The following SVOP variants were observed in gnomAD, a reference collection of about 807,000 sequenced individuals.
SVOP encodes the protein synaptic vesicle 2-related protein.
Under a neutral mutation model 69.1 loss-of-function variants are expected in SVOP, and 17 were observed. That is an observed-to-expected ratio of 0.25 (90% CI 0.17 to 0.37). The LOEUF is 0.37. SVOP is among the 10% of genes least tolerant of loss of function. The pLI, the probability that SVOP is intolerant of heterozygous loss-of-function variation, is 1.00. For synonymous variants in SVOP, 238 were observed against 238.6 expected (o/e 1.00, Z 0.02); for missense variants, 435 against 597.5 (o/e 0.73, Z 2.84).
At position 108,909,474 on chromosome 12, in the gene SVOP, C is replaced by T. The variant is rs1414274674; in HGVS notation, c.*3061G>A. The T allele has an allele frequency of 7.4e-6, 1 of 135,360 alleles. No individual in the cohort carries two copies. The highest frequency in any genetic ancestry group is 1.5e-5 in the Non-Finnish European group (1 of 66,986). The allele number at this position is 135,360 out of a possible 1,614,324, so 8.4% of individuals were successfully genotyped here. A position where few individuals can be genotyped will look rare whatever the true frequency, so the allele number is the denominator to read the frequency against. On this transcript the variant is annotated 3_prime_UTR_variant, in exon 16 of 16. Coordinates refer to ENST00000610966, the MANE Select transcript of SVOP (RefSeq NM_018711.5). ...GAGTTGCAGTGAGCTGAGACTTCAT[C>T]TCAAAAAAAAAAAAAAAGTAATTGC...
chr12:109,007,336 G>A (rs1593208389), intron 1 of SVOP, among the ~76,000 whole-genome samples: 1 of 152,302 alleles, frequency 6.6e-6, no homozygotes, highest in South Asian at 2.1e-4. Flanking sequence ...TTCAAGACAA[G>A]ACCTGGGGCA....
At chr12:108,972,379 C>T (rs1223696954) in intron 5 of SVOP, 26 bp downstream of exon 5, 11 of 1,535,812 alleles carry the variant, frequency 7.2e-6, no homozygotes, top group Admixed American at 2.0e-5. Context: ...AGAGGACATG[C>T]GTTTAGAAGA....
At chr12:108,990,214 G>A (rs1203810836) in intron 1 of SVOP, among the ~76,000 whole-genome samples, 14 of 152,170 alleles carry the variant, frequency 9.2e-5, no homozygotes, top group South Asian at 2.1e-4. Flanking sequence ...GGAAAACAGC[G>A]TGTGTTCTGG....
intron 6 of SVOP, among the ~76,000 whole-genome samples, chr12:108,960,605 G>T (rs2040012735): frequency 6.6e-6 from 1 of 152,152 alleles, no homozygotes; most frequent in African/African-American, 2.4e-5. Flanking sequence ...AACGCAGATT[G>T]CAATAATACA....
chr12:109,009,251 C>T (rs2040328145), intron 1 of SVOP, among the ~76,000 whole-genome samples: 1 of 151,826 alleles, frequency 6.6e-6, no homozygotes, highest in Non-Finnish European at 1.5e-5. Context: ...CATGAGCCAC[C>T]GCATCCAGCC....
At chr12:108,998,261 A>G (rs1161439526) in intron 1 of SVOP, among the ~76,000 whole-genome samples, 2 of 151,066 alleles carry the variant, frequency 1.3e-5, no homozygotes, top group Non-Finnish European at 3.0e-5. Context: ...AGTTTAGAGA[A>G]AAAAGAATAA....
chr12:108,937,521 C>T (rs944453002), intron 9 of SVOP, among the ~76,000 whole-genome samples, 184 bp from the exon 10 acceptor site: 29 of 152,152 alleles, frequency 1.9e-4, no homozygotes, highest in African/African-American at 7.0e-4. Flanking sequence ...CCAGCCAGAA[C>T]CCAGCCATGT....
intron 11 of SVOP, among the ~76,000 whole-genome samples, chr12:108,933,755 G>A (rs2039838208): frequency 6.6e-6 from 1 of 152,114 alleles, no homozygotes; most frequent in Non-Finnish European, 1.5e-5. Flanking sequence ...AGCAAACCAT[G>A]TGAAGGGGCC....
At chr12:108,986,110 A>AC (rs1275815646) in intron 1 of SVOP, among the ~76,000 whole-genome samples, 1 of 151,922 alleles carries the variant, frequency 6.6e-6, no homozygotes, top group Non-Finnish European at 1.5e-5. Context: ...CTAACATTTC[A>AC]CCCCCTCTAC....
intron 7 of SVOP, among the ~76,000 whole-genome samples, chr12:108,942,390 T>C (rs2039896397): frequency 6.6e-6 from 1 of 152,192 alleles, no homozygotes. Flanking sequence ...CTCATCAGAA[T>C]TGCCACTTCT....
intron 6 of SVOP, among the ~76,000 whole-genome samples, chr12:108,957,369 G>A (rs986860230): frequency 1.3e-5 from 2 of 151,968 alleles, no homozygotes; most frequent in Non-Finnish European, 2.9e-5. Context: ...TCACTGTGTC[G>A]GCCAGGATGG....
intron 5 of SVOP, among the ~76,000 whole-genome samples, chr12:108,967,241 C>T (rs1045825537): frequency 2.6e-5 from 4 of 151,778 alleles, no homozygotes; most frequent in African/African-American, 7.3e-5. Context: ...TGGCTCACAC[C>T]TATAATCCCA....
chr12:108,956,414 G>C (rs938018224), intron 6 of SVOP, among the ~76,000 whole-genome samples: 1 of 152,050 alleles, frequency 6.6e-6, no homozygotes, highest in Non-Finnish European at 1.5e-5. Context: ...TACCCCTGAG[G>C]GGGTGGGCGC....
chr12:108,977,273 G>A, intron 4 of SVOP, 125 bp downstream of exon 4: 2 of 1,174,446 alleles, frequency 1.7e-6, no homozygotes, highest in Non-Finnish European at 2.4e-6. Context: ...GGATGGGACA[G>A]TGTTTCCATC....
intron 15 of SVOP, among the ~76,000 whole-genome samples, chr12:108,915,551 G>C (rs929608232): frequency 2.8e-4 from 43 of 152,218 alleles, no homozygotes; most frequent in Non-Finnish European, 6.3e-4. Context: ...ACCTGGGTTT[G>C]ACTCCTGGAT....
rs1469105856 is a variant in SVOP, at chr12:108,983,787, A to G, written c.36-26T>C. 1.3e-5 allele frequency: 5 copies of G among 398,700 alleles called. No homozygotes were observed. In the East Asian group the frequency reaches 1.8e-4, roughly 14 times the overall value. The allele number at this position is 398,700 out of a possible 1,614,324, so 24.7% of individuals were successfully genotyped here. ...CTAGAGAACAGAACAAATCTGGTCA[A>G]GATGGCTAAAGCTTCCCCCAAATGG... On this transcript the variant is annotated intron_variant, in intron 1 of 15. Coordinates refer to ENST00000610966, the MANE Select transcript of SVOP (RefSeq NM_018711.5).
intron 1 of SVOP, among the ~76,000 whole-genome samples, chr12:109,003,948 C>A (rs2040289942): frequency 6.6e-6 from 1 of 152,220 alleles, no homozygotes; most frequent in African/African-American, 2.4e-5. Flanking sequence ...CATTTCTTCT[C>A]TGGCAAACCA....
At chr12:109,008,553 C>A (rs1292959508) in intron 1 of SVOP, among the ~76,000 whole-genome samples, 2 of 152,104 alleles carry the variant, frequency 1.3e-5, no homozygotes, top group Non-Finnish European at 2.9e-5. Flanking sequence ...GATAGCAGAC[C>A]ACTAGCTTAT....
chr12:108,975,948 G>A (rs1164306759), intron 4 of SVOP, among the ~76,000 whole-genome samples: 2 of 152,010 alleles, frequency 1.3e-5, no homozygotes, highest in Non-Finnish European at 2.9e-5. Context: ...TGATCTGCCC[G>A]CCTCAGCCTC....
Sources: gnomAD v4.1 joint callset for allele counts (sites outside exome capture counted in the v4.1 genomes callset) on GRCh38, gnomAD v4.1.1 for gene constraint, MANE v1.5 for transcripts, NCBI Gene and HGNC (gene_info 2026-07-23, HGNC 2026-07-21) for gene names.